The following HEATR4 variants were observed in gnomAD, a reference collection of about 807,000 sequenced individuals.
The protein encoded by HEATR4 is HEAT repeat-containing protein 4.
Under a neutral mutation model 108.8 loss-of-function variants are expected in HEATR4, and 95 were observed. The observed-to-expected ratio is 0.87, with a 90% CI of 0.74 to 1.04. The LOEUF is 1.04. HEATR4 is among the 50% of genes least tolerant of loss of function. HEATR4 has a pLI of 0.00. For synonymous variants in HEATR4, 443 were observed against 459.4 expected (o/e 0.96, Z 0.46); for missense variants, 1,152 against 1,253.8 (o/e 0.92, Z 1.23).
intron 3 of HEATR4, 48 bp downstream of exon 3, chr14:73,522,224 G>C: frequency 6.4e-7 from 1 of 1,564,324 alleles, no homozygotes; most frequent in East Asian, 2.2e-5. Context: ...GTCCCTAAAG[G>C]GGAGTCAGGG....
the HEATR4 span, among the ~76,000 whole-genome samples, chr14:73,572,404 C>A: frequency 0.021 from 2,985 of 142,030 alleles, 26 homozygotes; most frequent in African/African-American, 0.077. Context: ...ACAGTCAAAC[C>A]CTAGGAGAAC....
In HEATR4 at chr14:73,503,007, T is replaced by A. The variant is rs745827012; in HGVS notation, c.1993A>T (p.Lys665Ter). The change falls in exon 11 of 18, where the codon AAA (lysine) becomes TAA (stop). Residue 665 changes from lysine (K) to a stop codon, truncating the protein, a stop_gained. Transcript: ENST00000553558. LOFTEE classifies it high-confidence loss of function. ...CACATCAGCTGGATCAACTTATGTTTCATATCCTATAAATAGGTATGATCA... is the reference window on the plus strand; with the variant it reads ...CACATCAGCTGGATCAACTTATGTTACATATCCTATAAATAGGTATGATCA... ...RISGNVCLDM[K>*]HKLIQLMWND... is the part of the protein sequence containing the mutation. 2.5e-6 allele frequency: 4 copies of A among 1,610,366 alleles called. No individual in the cohort carries two copies. The South Asian group carries it at 4.4e-5, about 18-fold the overall frequency.
chr14:73,504,682 G>A (rs1177559855), intron 10 of HEATR4, among the ~76,000 whole-genome samples: 1 of 152,190 alleles, frequency 6.6e-6, no homozygotes, highest in Non-Finnish European at 1.5e-5. Flanking sequence ...TGAGTGGCCA[G>A]ATTTTGTGCT....
At chr14:73,599,467 C>T in the HEATR4 span, among the ~76,000 whole-genome samples, 93 of 151,998 alleles carry the variant, frequency 6.1e-4, no homozygotes, top group African/African-American at 2.1e-3. Flanking sequence ...ACACGGGCTG[C>T]GGTAATTTGA....
At chr14:73,569,510 G>T in the HEATR4 span, 4 of 1,609,592 alleles carry the variant, frequency 2.5e-6, no homozygotes, top group African/African-American at 1.3e-5. Flanking sequence ...GCCTAGCCCC[G>T]GAGCAGCCGG....
At chr14:73,626,116 G>T in the HEATR4 span, among the ~76,000 whole-genome samples, 1 of 152,176 alleles carries the variant, frequency 6.6e-6, no homozygotes, top group Non-Finnish European at 1.5e-5. Context: ...AAGTTTTAGT[G>T]GTCTGGATAG....
chr14:73,576,876 T>A, the HEATR4 span, among the ~76,000 whole-genome samples: 9 of 149,354 alleles, frequency 6.0e-5, no homozygotes, highest in South Asian at 2.1e-4. Flanking sequence ...GTTTTTTTTT[T>A]AAACCTTAGT....
chr14:73,597,586 C>CT, the HEATR4 span, among the ~76,000 whole-genome samples: 2 of 124,364 alleles, frequency 1.6e-5, no homozygotes, highest in African/African-American at 2.8e-5. Flanking sequence ...TTTCTTTTTT[C>CT]TTTTCTTTTT....
At chr14:73,509,893 A>C (rs1477742585) in intron 7 of HEATR4, among the ~76,000 whole-genome samples, 1 of 127,654 alleles carries the variant, frequency 7.8e-6, no homozygotes. Context: ...ATATTTTTTG[A>C]GACGGAGTCT....
the HEATR4 span, among the ~76,000 whole-genome samples, chr14:73,607,752 T>A: frequency 1.3e-5 from 2 of 151,710 alleles, no homozygotes; most frequent in African/African-American, 2.4e-5. Flanking sequence ...GCCTCCCAAG[T>A]AGCTGGGATT....
intron 5 of HEATR4, 40 bp downstream of exon 5, chr14:73,518,983 C>T (rs765191329): frequency 5.7e-6 from 9 of 1,577,362 alleles, no homozygotes; most frequent in African/African-American, 2.7e-5. Flanking sequence ...GCCACATTCC[C>T]GTTATTAACC....
rs1163488093 is a variant in HEATR4, at chr14:73,545,063, C to CT, written c.-152+13687dup. Reference sequence around the variant, plus strand: ...CCTTAATTTATTATTATTTTCTTTCCTTTTTTTTTTTTGGAGGCAGGGTCT... The same window carrying CT: ...CCTTAATTTATTATTATTTTCTTTCCTTTTTTTTTTTTTGGAGGCAGGGTCT... On this transcript the variant is annotated intron_variant, in intron 1 of 17. Coordinates refer to ENST00000553558, the MANE Select transcript of HEATR4 (RefSeq NM_001220484.1). 9.1e-4 allele frequency among the ~76,000 whole-genome samples: 93 copies of CT among 101,648 alleles called. 17 individuals are homozygous for CT. Among genetic ancestry groups the CT allele is most frequent in the Non-Finnish European group, 9.5e-4 (45 of 47,152 alleles). The allele number at this position is 101,648 out of a possible 152,430, so 66.7% of individuals were successfully genotyped here. A position where few individuals can be genotyped will look rare whatever the true frequency, so the allele number is the denominator to read the frequency against.
At chr14:73,506,046 A>G (rs1886800059) in intron 10 of HEATR4, among the ~76,000 whole-genome samples, 4 of 151,770 alleles carry the variant, frequency 2.6e-5, no homozygotes, top group Admixed American at 2.6e-4. Flanking sequence ...GCGTGCCACC[A>G]CACTCTGCTA....
chr14:73,527,305 T>C (rs1318908928), intron 2 of HEATR4: 1 of 151,938 alleles, frequency 6.6e-6, no homozygotes. Context: ...CCAAATGGAC[T>C]AAATAAGGCA....
At chr14:73,571,424 C>CCTCG in the HEATR4 span, 1 of 151,018 alleles carries the variant, frequency 6.6e-6, no homozygotes, top group African/African-American at 2.4e-5. Flanking sequence ...AGTGTGAAGA[C>CCTCG]CTCGGTGTTT....
At chr14:73,579,910 T>C in the HEATR4 span, among the ~76,000 whole-genome samples, 9 of 152,016 alleles carry the variant, frequency 5.9e-5, no homozygotes, top group South Asian at 6.2e-4. Flanking sequence ...CTGGCCAACA[T>C]GGTAAAACTC....
At chr14:73,572,798 A>G in the HEATR4 span, among the ~76,000 whole-genome samples, 2 of 149,592 alleles carry the variant, frequency 1.3e-5, no homozygotes, top group South Asian at 4.3e-4. Context: ...GGTGGCCGCC[A>G]CCACACCCAG....
Position 73,547,694 on chromosome 14 carries a change from A to G in HEATR4, c.-152+11057T>C, listed in dbSNP as rs1223016016. On this transcript the variant is annotated intron_variant, in intron 1 of 17. Transcript: ENST00000553558. ...GAAGTCAGGAGTTCGAGAGCAGCCT[A>G]GCCAACATGGTAAAACTCCATCTCT... Among the ~76,000 whole-genome samples the G allele has an allele frequency of 4.4e-5, 5 of 114,570 alleles. 2 individuals carry two copies. Among genetic ancestry groups the G allele is most frequent in the Non-Finnish European group, 7.6e-5 (4 of 52,562 alleles). 75.2% of individuals were successfully genotyped at this position (114,570 alleles called of 152,430 possible). A position where few individuals can be genotyped will look rare whatever the true frequency, so the allele number is the denominator to read the frequency against.
At chr14:73,605,556 C>CT in the HEATR4 span, among the ~76,000 whole-genome samples, 2,640 of 56,966 alleles carry the variant, frequency 0.046, 687 homozygotes, top group Non-Finnish European at 0.081. Flanking sequence ...CTGTAAGATT[C>CT]TTTTTTTTTT....
Sources: allele counts gnomAD v4.1 joint callset (sites outside exome capture counted in the v4.1 genomes callset), GRCh38; gene constraint gnomAD v4.1.1; transcripts MANE v1.5; gene names NCBI Gene and HGNC (gene_info 2026-07-23, HGNC 2026-07-21).